AKAP9: variants seen among roughly 807,000 people sequenced by gnomAD.
The protein encoded by AKAP9 is A-kinase anchor protein 9.
Under a neutral mutation model 488.5 loss-of-function variants are expected in AKAP9, and 311 were observed. The ratio of observed to expected loss-of-function variants is 0.64; its 90% CI spans 0.58 to 0.70. AKAP9 has a LOEUF of 0.70. AKAP9 is among the 30% of genes least tolerant of loss of function. The pLI, the probability that AKAP9 is intolerant of heterozygous loss-of-function variation, is 0.00. For missense variants in AKAP9, 4,215 were observed against 4,374.5 expected (o/e 0.96, Z 1.03); for synonymous variants, 1,462 against 1,483.5 (o/e 0.99, Z 0.33).
intron 39 of AKAP9, among the ~76,000 whole-genome samples, 181 bp downstream of exon 39, chr7:92,093,497 G>C (rs1024697831): frequency 6.6e-6 from 1 of 152,070 alleles, no homozygotes; most frequent in Non-Finnish European, 1.5e-5. Context: ...ACTTATGATC[G>C]TGATTATAGC....
At chr7:92,041,903 C>A in intron 18 of AKAP9, 143 bp from the exon 19 acceptor site, 1 of 828,268 alleles carries the variant, frequency 1.2e-6, no homozygotes, top group Non-Finnish European at 1.9e-6. Flanking sequence ...TTTGTATATA[C>A]TTTTAACCCC....
At chr7:92,085,720 T>C (rs1232776263) in intron 36 of AKAP9, 34 bp downstream of exon 36, 1 of 1,473,488 alleles carries the variant, frequency 6.8e-7, no homozygotes, top group East Asian at 2.4e-5. Context: ...TAAATCATTT[T>C]ATGTATTATT....
chr7:92,058,185 C>G (rs779819851), intron 22 of AKAP9: 15 of 593,636 alleles, frequency 2.5e-5, no homozygotes, highest in South Asian at 2.1e-4. Context: ...TCTTATAGCA[C>G]CTATTTGGCA....
intron 17 of AKAP9, among the ~76,000 whole-genome samples, chr7:92,039,087 G>A (rs1198349785): frequency 6.6e-6 from 1 of 152,080 alleles, no homozygotes; most frequent in Non-Finnish European, 1.5e-5. Context: ...TGTATTTTTA[G>A]TAGAGACAGG....
At chr7:92,011,203 C>T (rs1562975992) in intron 8 of AKAP9, among the ~76,000 whole-genome samples, 4 of 152,104 alleles carry the variant, frequency 2.6e-5, no homozygotes, top group Admixed American at 6.5e-5. Flanking sequence ...TATAGGATAC[C>T]CACTTTCAAC....
In AKAP9 at chr7:92,095,168, C is replaced by T. The variant is rs1317499775; in HGVS notation, c.9724C>T (p.Leu3242Phe). Residue 3242 changes from leucine to phenylalanine, a missense_variant, in exon 40 of 50, where the codon CTT becomes TTT. Physicochemically the swap from Leu to Phe is conservative, Grantham distance 22. Coordinates refer to ENST00000356239, the MANE Select transcript of AKAP9 (RefSeq NM_005751.5). The stretch of plus-strand genomic sequence containing the variant: ...CAGTGAAGAACGGGATAAAGAAGAA[C>T]TTGAGGTACTGTTATCTTTGTCTTT... ...GRSEERDKEE[L>F]EDLKFSLESQ... 1.9e-6 allele frequency: 3 copies of T among 1,613,988 alleles called. No individual in the cohort carries two copies. The highest frequency in any genetic ancestry group is 2.5e-6 in the Non-Finnish European group (3 of 1,180,000).
rs765595242 is a variant in AKAP9 at position 92,110,432 on chromosome 7, A to C, written c.*273A>C. 1 of 465,734 alleles carries C rather than the reference A, an allele frequency of 2.1e-6. No homozygotes were observed. Among genetic ancestry groups the C allele is most frequent in the African/African-American group, 2.0e-5 (1 of 51,208 alleles). The allele number at this position is 465,734 out of a possible 1,614,324, so 28.9% of individuals were successfully genotyped here. A position where few individuals can be genotyped will look rare whatever the true frequency, so the allele number is the denominator to read the frequency against. On this transcript the variant is annotated 3_prime_UTR_variant, in exon 50 of 50. Coordinates refer to ENST00000356239, the MANE Select transcript of AKAP9 (RefSeq NM_005751.5). Reference sequence around the variant, plus strand: ...AAATTATAAACCTTGTGTATTTATCAAATGGGTGAAAAGATTAAACTTTTA... The same window carrying C: ...AAATTATAAACCTTGTGTATTTATCCAATGGGTGAAAAGATTAAACTTTTA...
chr7:92,102,304 C>T (rs1817666958), intron 45 of AKAP9, among the ~76,000 whole-genome samples: 1 of 149,622 alleles, frequency 6.7e-6, no homozygotes, highest in Admixed American at 6.7e-5. Context: ...GGGCTAAAAC[C>T]TAAAAGAAAC....
rs71528033 is a variant in AKAP9 at position 92,061,584 on chromosome 7, C to CTATATA, written c.5764+193_5764+198dup. 0.043 allele frequency among the ~76,000 whole-genome samples: 4,417 copies of CTATATA among 102,124 alleles called. 163 individuals are homozygous for CTATATA. The highest frequency in any genetic ancestry group is 0.076 in the Admixed American group (666 of 8,760). The allele number at this position is 102,124 out of a possible 152,430, so 67.0% of individuals were successfully genotyped here. A position where few individuals can be genotyped will look rare whatever the true frequency, so the allele number is the denominator to read the frequency against. On this transcript the variant is annotated intron_variant, in intron 23 of 49. Coordinates refer to ENST00000356239, the MANE Select transcript of AKAP9 (RefSeq NM_005751.5). ...GAGTTCCTCCAAGCAATTTTTAAAACTATATATATATATATATATATATAT... is the reference window on the plus strand; with the variant it reads ...GAGTTCCTCCAAGCAATTTTTAAAACTATATATATATATATATATATATATATATAT...
At chr7:92,078,553 C>T (rs1483232409) in intron 30 of AKAP9, among the ~76,000 whole-genome samples, 2 of 146,382 alleles carry the variant, frequency 1.4e-5, no homozygotes, top group African/African-American at 2.5e-5. Context: ...GCTTGGGTGA[C>T]AGAGTGAGAC....
At chr7:92,061,774 T>C (rs1358143359) in intron 23 of AKAP9, among the ~76,000 whole-genome samples, 1 of 151,748 alleles carries the variant, frequency 6.6e-6, no homozygotes, top group East Asian at 1.9e-4. Flanking sequence ...GTTATTAAAT[T>C]GTTAAAGGGC....
intron 3 of AKAP9, among the ~76,000 whole-genome samples, chr7:91,991,597 AAGT>A (rs1797764030): frequency 6.6e-6 from 1 of 150,952 alleles, no homozygotes; most frequent in South Asian, 2.1e-4. Context: ...TCAGCCTCCC[AAGT>A]AGCTGGGACT....
At chr7:91,971,684 C>T (rs1259722394) in intron 1 of AKAP9, among the ~76,000 whole-genome samples, 7 of 149,530 alleles carry the variant, frequency 4.7e-5, no homozygotes, top group Non-Finnish European at 8.9e-5. Flanking sequence ...TCTCCTGCCT[C>T]AGCCTCCCGA....
chr7:91,998,619 T>G (rs1411121958), intron 7 of AKAP9, among the ~76,000 whole-genome samples: 1 of 151,850 alleles, frequency 6.6e-6, no homozygotes, highest in Non-Finnish European at 1.5e-5. Context: ...AATGATACTG[T>G]TTTATGAAGG....
chr7:91,996,328 A>G (rs1453265267), intron 7 of AKAP9, among the ~76,000 whole-genome samples: 2 of 152,160 alleles, frequency 1.3e-5, no homozygotes, highest in African/African-American at 4.8e-5. Flanking sequence ...CACATTGATT[A>G]TAATCTTAAA....
chr7:92,093,355 G>A (rs932094882), intron 39 of AKAP9, 39 bp downstream of exon 39: 4 of 1,562,762 alleles, frequency 2.6e-6, no homozygotes, highest in South Asian at 1.1e-5. Context: ...GTAACAAGGA[G>A]TGGGAGTAAT....
intron 43 of AKAP9, among the ~76,000 whole-genome samples, 195 bp downstream of exon 43, chr7:92,098,409 C>G (rs1411622051): frequency 1.3e-5 from 2 of 152,034 alleles, no homozygotes; most frequent in Non-Finnish European, 2.9e-5. Flanking sequence ...GGGGAATTAG[C>G]TTTCATTATT....
intron 8 of AKAP9, among the ~76,000 whole-genome samples, chr7:92,010,569 C>A (rs565063352): frequency 6.6e-6 from 1 of 152,324 alleles, no homozygotes; most frequent in South Asian, 2.1e-4. Context: ...CAGGTCAAAC[C>A]CTGGCACTTA....
chr7:92,083,354 C>T lies in AKAP9; in HGVS notation c.8345C>T (p.Thr2782Ile), dbSNP rs543634397. 1.4e-4 allele frequency: 220 copies of T among 1,614,028 alleles called. 5 individuals carry two copies. The South Asian group carries it at 2.3e-3, about 17-fold the overall frequency. ...IKLSKSIASQTDGTLKISSSN... is the reference protein window; with the variant it reads ...IKLSKSIASQIDGTLKISSSN... ...CTGAGTAAGAGCATTGCATCCCAGA[C>T]AGATGGGACTCTGAAGATCAGTAGC... The change falls in exon 33 of 50, where the codon ACA becomes ATA. Residue 2782 changes from threonine to isoleucine, a missense_variant. Around this residue, in one of 5 missense-constraint regions of AKAP9, gnomAD observed 1,476 missense variants for 1,477.4 expected, o/e 1.00. Coordinates refer to ENST00000356239, the MANE Select transcript of AKAP9 (RefSeq NM_005751.5).
Sources: gnomAD v4.1 joint callset for allele counts (sites outside exome capture counted in the v4.1 genomes callset) on GRCh38, gnomAD v4.1.1 for gene constraint, gnomAD v4.1.1 regional missense constraint, MANE v1.5 for transcripts, NCBI Gene and HGNC (gene_info 2026-07-23, HGNC 2026-07-21) for gene names.